IGSF11: variants seen among roughly 807,000 people sequenced by gnomAD.
The protein encoded by IGSF11 is CXADR like 1.
Under a neutral mutation model 41.0 loss-of-function variants are expected in IGSF11, and 22 were observed. The ratio of observed to expected loss-of-function variants is 0.54; its 90% CI spans 0.38 to 0.77. IGSF11 has a LOEUF of 0.77. Ranked by LOEUF, IGSF11 falls within the 30% of genes least tolerant of loss-of-function variation. IGSF11 has a pLI of 0.00. For missense variants in IGSF11, 444 were observed against 530.8 expected, an observed-to-expected ratio of 0.84 and a Z score of 1.61; for synonymous variants, 219 against 201.3, an observed-to-expected ratio of 1.09 and a Z score of -0.74.
At chr3:118,969,436 G>A (rs1266500642) in intron 1 of IGSF11, among the ~76,000 whole-genome samples, 2 of 152,146 alleles carry the variant, frequency 1.3e-5, no homozygotes, top group African/African-American at 2.4e-5. Context: ...ACTGGGCTGC[G>A]TAAAGGACAG....
upstream of IGSF11, among the ~76,000 whole-genome samples, chr3:119,106,727 T>C (rs141209976): frequency 0.016 from 2,429 of 152,070 alleles, 81 homozygotes; most frequent in African/African-American, 0.056. Flanking sequence ...CCTAATGCTA[T>C]CCCTCCCCCC....
Position 119,026,570 on chromosome 3 carries a change from T to C in IGSF11, c.52+7961A>G, listed in dbSNP as rs958713692. On this transcript the variant is annotated intron_variant, in intron 1 of 6. Coordinates refer to ENST00000393775, the MANE Select transcript of IGSF11 (RefSeq NM_001015887.3). ...GGCTTTGACATTAAGACTGTACTAG[T>C]AGTCACTGTAGTCTTCGCCATTATG... 7.9e-5 allele frequency among the ~76,000 whole-genome samples: 12 copies of C among 152,176 alleles called. No individual in the cohort carries two copies. The South Asian group carries it at 1.2e-3, about 16-fold the overall frequency.
At chr3:119,092,691 T>C (rs1198560848) in intron 1 of IGSF11, among the ~76,000 whole-genome samples, 2 of 152,220 alleles carry the variant, frequency 1.3e-5, no homozygotes, top group African/African-American at 4.8e-5. Context: ...TCACTTTCGC[T>C]CACTACTGAT....
intron 1 of IGSF11, among the ~76,000 whole-genome samples, chr3:118,988,699 A>G (rs1935494533): frequency 1.3e-5 from 2 of 152,218 alleles, no homozygotes; most frequent in African/African-American, 4.8e-5. Flanking sequence ...AAGCTTAAAA[A>G]AGCATTGCAT....
At chr3:119,080,352 A>G (rs1305145255) in intron 1 of IGSF11, among the ~76,000 whole-genome samples, 2 of 152,200 alleles carry the variant, frequency 1.3e-5, no homozygotes, top group African/African-American at 4.8e-5. Context: ...TAATACTACA[A>G]TTCTATGATC....
At position 118,992,850 on chromosome 3, in the gene IGSF11, G is replaced by A. The variant is rs548222496; in HGVS notation, c.52+41681C>T. On this transcript the variant is annotated intron_variant, in intron 1 of 6. Coordinates refer to ENST00000393775, the MANE Select transcript of IGSF11 (RefSeq NM_001015887.3). ...TTGGTGTTCCAAATGTGACACTACC[G>A]AAAAAGTGAAAAGAGAGCCAACAGA... Among the ~76,000 whole-genome samples, 190 of 152,228 alleles carry A rather than the reference G, an allele frequency of 1.2e-3. 1 individual carries two copies. Among genetic ancestry groups the A allele is most frequent in the African/African-American group, 3.4e-3 (142 of 41,534 alleles).
chr3:119,141,042 T>TAAAAAA (rs35323898), intron 1 of IGSF11, among the ~76,000 whole-genome samples: 1 of 99,762 alleles, frequency 1.0e-5, no homozygotes, highest in Admixed American at 1.2e-4. Flanking sequence ...TCTGTCTCAT[T>TAAAAAA]AAAAAAAAAA....
upstream of IGSF11, among the ~76,000 whole-genome samples, chr3:119,107,531 G>A (rs1260231922): frequency 6.6e-6 from 1 of 152,008 alleles, no homozygotes; most frequent in East Asian, 1.9e-4. Context: ...CTCCCATTCT[G>A]TAGGTTGCCT....
At chr3:119,107,438 GT>G (rs1239989715), upstream of IGSF11, among the ~76,000 whole-genome samples, 2 of 152,038 alleles carry the variant, frequency 1.3e-5, no homozygotes, top group Non-Finnish European at 2.9e-5. Context: ...GGGGTTGTTT[GT>G]TTTTTTCTTG....
chr3:119,127,725 C>G (rs1228558189), intron 1 of IGSF11, among the ~76,000 whole-genome samples: 1 of 152,184 alleles, frequency 6.6e-6, no homozygotes, highest in African/African-American at 2.4e-5. Context: ...ACTCTACAAG[C>G]CAGAAGAGAT....
At chr3:118,967,928 C>T (rs190955541) in intron 1 of IGSF11, among the ~76,000 whole-genome samples, 1 of 152,030 alleles carries the variant, frequency 6.6e-6, no homozygotes, top group East Asian at 1.9e-4. Context: ...ACACATTTGC[C>T]AATAACTTTA....
At chr3:118,919,195 G>A (rs1243320949) in intron 4 of IGSF11, among the ~76,000 whole-genome samples, 5 of 133,088 alleles carry the variant, frequency 3.8e-5, no homozygotes, top group African/African-American at 6.3e-5. Flanking sequence ...GGACATAGGC[G>A]TGGGCAAGGA....
chr3:118,913,386 T>C (rs1175222854), intron 4 of IGSF11, among the ~76,000 whole-genome samples: 2 of 152,118 alleles, frequency 1.3e-5, no homozygotes, highest in African/African-American at 4.8e-5. Context: ...TATTCTAGGA[T>C]CTACAGAACA....
intron 1 of IGSF11, among the ~76,000 whole-genome samples, chr3:119,006,494 C>T (rs1937511786): frequency 7.6e-6 from 1 of 130,858 alleles, no homozygotes; most frequent in Non-Finnish European, 1.6e-5. Flanking sequence ...CAGCTTTGTT[C>T]CGTTGCTGCT....
chr3:119,083,526 AC>A (rs2076619433), intron 1 of IGSF11, among the ~76,000 whole-genome samples: 12 of 122,252 alleles, frequency 9.8e-5, no homozygotes, highest in African/African-American at 3.4e-4. Flanking sequence ...ACACACACAC[AC>A]ACACACACAA....
chr3:119,088,206 A>T (rs564424826), intron 1 of IGSF11, among the ~76,000 whole-genome samples: 6 of 151,738 alleles, frequency 4.0e-5, no homozygotes, highest in South Asian at 4.2e-4. Context: ...AAAAAATTAA[A>T]ATCATACCAG....
At position 118,949,600 on chromosome 3, in the gene IGSF11, G is replaced by T. The variant is rs558167137; in HGVS notation, c.53-19325C>A. Among the ~76,000 whole-genome samples, 6 of 152,218 alleles carry T rather than the reference G, an allele frequency of 3.9e-5. No homozygotes were observed. The South Asian group carries it at 1.2e-3, about 32-fold the overall frequency. On this transcript the variant is annotated intron_variant, in intron 1 of 6. Transcript: ENST00000393775. ...TGAGATCTGTTATCTTTCCTTTGAG[G>T]GCTCTAAGCAGTTTCACTTTTGCAT...
chr3:118,997,229 T>G (rs1043455222), intron 1 of IGSF11, among the ~76,000 whole-genome samples: 1 of 152,220 alleles, frequency 6.6e-6, no homozygotes, highest in Non-Finnish European at 1.5e-5. Context: ...ACATTTGGCA[T>G]CACTATTTCA....
At chr3:118,988,376 T>C (rs910067383) in intron 1 of IGSF11, among the ~76,000 whole-genome samples, 2 of 152,084 alleles carry the variant, frequency 1.3e-5, no homozygotes, top group African/African-American at 2.4e-5. Flanking sequence ...TGAGGACACA[T>C]GTTAAAAAGG....
Sources: allele counts gnomAD v4.1 joint callset (sites outside exome capture counted in the v4.1 genomes callset), GRCh38; gene constraint gnomAD v4.1.1; transcripts MANE v1.5; gene names NCBI Gene and HGNC (gene_info 2026-07-23, HGNC 2026-07-21).